The following CXADR variants were observed in gnomAD, a reference collection of about 807,000 sequenced individuals.
The protein encoded by CXADR is coxsackievirus and adenovirus receptor.
CXADR carries 20 observed loss-of-function variants against 40.3 expected under a neutral mutation model. That is an observed-to-expected ratio of 0.50 (90% confidence interval 0.35 to 0.72). The LOEUF (loss-of-function observed/expected upper bound fraction) is 0.72. CXADR is among the 30% of genes least tolerant of loss of function. CXADR has a pLI of 0.01. For missense variants in CXADR, 332 were observed against 449.1 expected (o/e 0.74, Z 2.36); for synonymous variants, 150 against 161.3 (o/e 0.93, Z 0.53).
At position 17,561,320 on chromosome 21, in the gene CXADR, T is replaced by G; in HGVS notation, c.695-18T>G. The G allele has an allele frequency of 6.8e-7, 1 of 1,469,182 alleles. No homozygotes were observed. The allele number at this position is 1,469,182 out of a possible 1,614,324, so 91.0% of individuals were successfully genotyped here. ...TATATATGTATATATTTTTTACTATTAATTCTTCTTATTTTAGCTTCAAAT... is the reference window on the plus strand; with the variant it reads ...TATATATGTATATATTTTTTACTATGAATTCTTCTTATTTTAGCTTCAAAT... On this transcript the variant is annotated intron_variant, in intron 5 of 6. Coordinates refer to ENST00000284878, the MANE Select transcript of CXADR (RefSeq NM_001338.5).
chr21:17,618,000 A>ATGT, the CXADR span, among the ~76,000 whole-genome samples: 1 of 152,164 alleles, frequency 6.6e-6, no homozygotes, highest in South Asian at 2.1e-4. Flanking sequence ...TCTAAATTCT[A>ATGT]TGTTGTCATT....
chr21:17,620,377 T>A, the CXADR span, among the ~76,000 whole-genome samples: 2 of 152,216 alleles, frequency 1.3e-5, no homozygotes, highest in Non-Finnish European at 2.9e-5. Context: ...TCAGAACACA[T>A]GTAACATTTA....
the CXADR span, among the ~76,000 whole-genome samples, chr21:17,611,220 GGGAAGA>G: frequency 6.6e-6 from 1 of 152,154 alleles, no homozygotes; most frequent in Non-Finnish European, 1.5e-5. Flanking sequence ...TATACGGGTT[GGGAAGA>G]AAGTTTTGCT....
At chr21:17,550,309 G>A (rs1346459183) in intron 2 of CXADR, among the ~76,000 whole-genome samples, 1 of 145,084 alleles carries the variant, frequency 6.9e-6, no homozygotes, top group Non-Finnish European at 1.5e-5. Flanking sequence ...AGCCAAGATC[G>A]CACCACTGCA....
intron 7 of CXADR, among the ~76,000 whole-genome samples, chr21:17,579,139 G>A (rs961264761): frequency 1.3e-5 from 2 of 152,192 alleles, no homozygotes; most frequent in African/African-American, 4.8e-5. Context: ...ATTAATGTAG[G>A]CTGTGGAAAG....
Position 17,551,828 on chromosome 21 carries a change from A to G in CXADR, c.290A>G (p.Asp97Gly). 5.6e-6 allele frequency: 9 copies of G among 1,613,906 alleles called. No homozygotes were observed. The highest frequency in any genetic ancestry group is 1.7e-4 in the Middle Eastern group (1 of 6,056). The change falls in exon 3 of 7, where the codon GAT becomes GGT. Residue 97 changes from aspartate (D) to glycine (G), a missense_variant. By Grantham distance (94) the Asp-to-Gly change is moderately conservative. Around this residue, in one of 3 missense-constraint regions of CXADR, gnomAD observed 162 missense variants for 198.5 expected, o/e 0.82. Coordinates refer to ENST00000284878, the MANE Select transcript of CXADR (RefSeq NM_001338.5). ...GGCCGAGTACATTTTACGAGTAATGATCTCAAATCTGGTGATGCATCAATA... is the reference window on the plus strand; with the variant it reads ...GGCCGAGTACATTTTACGAGTAATGGTCTCAAATCTGGTGATGCATCAATA... ...LKGRVHFTSN[D>G]LKSGDASINV...
intron 1 of CXADR, among the ~76,000 whole-genome samples, chr21:17,533,969 T>C (rs1220924694): frequency 6.8e-6 from 1 of 147,038 alleles, no homozygotes; most frequent in Non-Finnish European, 1.5e-5. Context: ...ATGAAGAGCA[T>C]AATTTCTACT....
the CXADR span, among the ~76,000 whole-genome samples, chr21:17,630,712 T>C: frequency 6.6e-5 from 10 of 151,358 alleles, no homozygotes; most frequent in Admixed American, 4.6e-4. Context: ...GCATCTATTG[T>C]CATTAAAAAT....
intron 3 of CXADR, among the ~76,000 whole-genome samples, chr21:17,552,568 C>T (rs1298059521): frequency 6.6e-6 from 1 of 151,224 alleles, no homozygotes; most frequent in South Asian, 2.1e-4. Flanking sequence ...TGTCTACAAG[C>T]ACTCTTAATC....
the CXADR span, among the ~76,000 whole-genome samples, chr21:17,614,585 A>C: frequency 6.6e-6 from 1 of 152,124 alleles, no homozygotes; most frequent in African/African-American, 2.4e-5. Flanking sequence ...TCTACAAAAA[A>C]TACACAAATT....
At chr21:17,618,220 A>C in the CXADR span, among the ~76,000 whole-genome samples, 38,098 of 151,984 alleles carry the variant, frequency 0.25, 4,996 homozygotes, top group East Asian at 0.39. Context: ...AAATTTTATC[A>C]TTAAATTACA....
At chr21:17,621,125 C>T in the CXADR span, among the ~76,000 whole-genome samples, 4 of 152,334 alleles carry the variant, frequency 2.6e-5, no homozygotes, top group African/African-American at 9.6e-5. Flanking sequence ...ACATTCACAT[C>T]TAGCAATCTG....
At chr21:17,544,201 A>T (rs2060865343) in intron 1 of CXADR, among the ~76,000 whole-genome samples, 1 of 152,218 alleles carries the variant, frequency 6.6e-6, no homozygotes, top group Admixed American at 6.5e-5. Context: ...GAAATGCCTT[A>T]ATGAATGAGA....
At chr21:17,549,333 A>T (rs2060937586) in intron 2 of CXADR, among the ~76,000 whole-genome samples, 1 of 152,188 alleles carries the variant, frequency 6.6e-6, no homozygotes, top group African/African-American at 2.4e-5. Context: ...GTGTTTCATA[A>T]ACCTGTTTCC....
Position 17,568,876 on chromosome 21 carries a change from A to G in CXADR, c.*3184A>G. 1 of 985,314 alleles carries G rather than the reference A, an allele frequency of 1.0e-6. No individual in the cohort carries two copies. Among genetic ancestry groups the G allele is most frequent in the Non-Finnish European group, 1.2e-6 (1 of 829,914 alleles). The allele number at this position is 985,314 out of a possible 1,614,324, so 61.0% of individuals were successfully genotyped here. On this transcript the variant is annotated 3_prime_UTR_variant, in exon 7 of 7. Coordinates refer to ENST00000284878, the MANE Select transcript of CXADR (RefSeq NM_001338.5). ...TTTTAATTTGAGCTATCTGCCATGG[A>G]CTTTCTAAAATGGAAACACAGCCTG...
At chr21:17,611,091 C>T in the CXADR span, among the ~76,000 whole-genome samples, 1 of 152,204 alleles carries the variant, frequency 6.6e-6, no homozygotes, top group Admixed American at 6.5e-5. Context: ...ATACATAACC[C>T]CAGCCCACCA....
chr21:17,518,447 T>G, intron 1 of CXADR: 1 of 699,704 alleles, frequency 1.4e-6, no homozygotes, highest in Admixed American at 2.2e-5. Flanking sequence ...ACAGGTGATG[T>G]TCTCTGTGTC....
downstream of CXADR, chr21:17,593,685 CATG>C (rs146798740): frequency 5.4e-3 from 891 of 165,638 alleles, 4 homozygotes; most frequent in Non-Finnish European, 7.7e-3. Context: ...TTTGCAACTA[CATG>C]ATTTCACACA....
chr21:17,534,019 T>TATATCGCTATATATATATATATACAC (rs2060712841), intron 1 of CXADR, among the ~76,000 whole-genome samples: 1 of 81,400 alleles, frequency 1.2e-5, no homozygotes. Context: ...TATATATATA[T>TATATCGCTATATATATATATATACAC]ATATATATAG....
Sources: gnomAD v4.1 joint callset for allele counts (sites outside exome capture counted in the v4.1 genomes callset) on GRCh38, gnomAD v4.1.1 for gene constraint, gnomAD v4.1.1 regional missense constraint, MANE v1.5 for transcripts, NCBI Gene and HGNC (gene_info 2026-07-23, HGNC 2026-07-21) for gene names.